The following PBX1 variants were observed in gnomAD, a reference collection of about 807,000 sequenced individuals.
The protein encoded by PBX1 is pre-B-cell leukemia transcription factor 1.
A neutral mutation model predicts 53.4 loss-of-function variants in PBX1; 6 were observed. That is an observed-to-expected ratio of 0.11 (90% CI 0.06 to 0.22). PBX1 has a LOEUF of 0.22. PBX1 is among the 10% of genes least tolerant of loss of function. The pLI is 1.00. For synonymous variants in PBX1, 204 were observed against 212.3 expected (o/e 0.96, Z 0.34); for missense variants, 251 against 551.4 (o/e 0.46, Z 5.46).
intron 2 of PBX1, among the ~76,000 whole-genome samples, chr1:164,728,107 T>A (rs907948502): frequency 2.6e-5 from 4 of 152,084 alleles, no homozygotes; most frequent in African/African-American, 9.7e-5. Context: ...GGAGAATTGC[T>A]TGAGTCCAGG....
intron 6 of PBX1, chr1:164,816,950 C>G (rs537992627): frequency 1.3e-5 from 2 of 152,142 alleles, no homozygotes; most frequent in East Asian, 3.9e-4. Context: ...TGGATGTGGA[C>G]ACTTTACCAC....
chr1:164,783,941 C>G (rs1191746948), intron 2 of PBX1, among the ~76,000 whole-genome samples: 1 of 152,222 alleles, frequency 6.6e-6, no homozygotes. Context: ...TCTGTTTTCT[C>G]TATGGTTGCT....
chr1:164,732,969 A>G (rs139150384), intron 2 of PBX1, among the ~76,000 whole-genome samples: 1 of 152,260 alleles, frequency 6.6e-6, no homozygotes, highest in East Asian at 1.9e-4. Flanking sequence ...CAGTGTCACC[A>G]GGACTCCACA....
At chr1:164,741,650 C>T (rs967876377) in intron 2 of PBX1, among the ~76,000 whole-genome samples, 2 of 151,816 alleles carry the variant, frequency 1.3e-5, no homozygotes, top group Non-Finnish European at 2.9e-5. Flanking sequence ...TTAATAAGTC[C>T]CCTGGCCATC....
intron 2 of PBX1, among the ~76,000 whole-genome samples, chr1:164,627,615 A>G (rs1413698324): frequency 6.6e-6 from 1 of 152,160 alleles, no homozygotes; most frequent in East Asian, 1.9e-4. Flanking sequence ...AGCCAATGTG[A>G]TGGAGGAGAT....
At chr1:164,729,582 G>A (rs928567172) in intron 2 of PBX1, among the ~76,000 whole-genome samples, 2 of 152,134 alleles carry the variant, frequency 1.3e-5, no homozygotes, top group African/African-American at 2.4e-5. Flanking sequence ...TTCTCAACAT[G>A]TTTCAGGCAG....
At chr1:164,638,428 A>C (rs1047321425) in intron 2 of PBX1, among the ~76,000 whole-genome samples, 6 of 152,200 alleles carry the variant, frequency 3.9e-5, no homozygotes, top group African/African-American at 1.4e-4. Context: ...TCCCCTTTGA[A>C]GATATTGTGC....
At chr1:164,690,751 GT>G (rs1222619673) in intron 2 of PBX1, among the ~76,000 whole-genome samples, 1 of 151,430 alleles carries the variant, frequency 6.6e-6, no homozygotes, top group Non-Finnish European at 1.5e-5. Context: ...ATGTTAACCT[GT>G]TGGATTTTCA....
intron 6 of PBX1, chr1:164,814,723 A>G (rs2200796): frequency 0.22 from 34,054 of 153,384 alleles, 4,386 homozygotes; most frequent in Non-Finnish European, 0.29. Flanking sequence ...TGGGCAACAC[A>G]GCGAAACTCC....
chr1:164,786,681 C>CTGTGTGTGTGTGTGTG (rs74747780), intron 2 of PBX1, among the ~76,000 whole-genome samples: 2 of 140,612 alleles, frequency 1.4e-5, no homozygotes, highest in African/African-American at 5.3e-5. Flanking sequence ...TCAGAAGAGA[C>CTGTGTGTGTGTGTGTG]TGTGTGTGTG....
intron 2 of PBX1, among the ~76,000 whole-genome samples, chr1:164,631,979 A>C (rs1315871798): frequency 2.0e-5 from 3 of 152,238 alleles, no homozygotes; most frequent in African/African-American, 4.8e-5. Flanking sequence ...ATAGGCCATC[A>C]GCCGTAGAGA....
chr1:164,645,262 A>G (rs1366565610), intron 2 of PBX1, among the ~76,000 whole-genome samples: 1 of 152,106 alleles, frequency 6.6e-6, no homozygotes, highest in East Asian at 1.9e-4. Flanking sequence ...GTGAGATAGA[A>G]TTGTAGAGCT....
chr1:164,732,989 T>A (rs752670704), intron 2 of PBX1, among the ~76,000 whole-genome samples: 1 of 152,234 alleles, frequency 6.6e-6, no homozygotes, highest in African/African-American at 2.4e-5. Flanking sequence ...AGTTGCTTAA[T>A]GCAATGTATA....
At chr1:164,616,663 A>G (rs1657300633) in intron 2 of PBX1, among the ~76,000 whole-genome samples, 1 of 152,156 alleles carries the variant, frequency 6.6e-6, no homozygotes. Flanking sequence ...CAAGGTAAGA[A>G]CACTTCATGT....
intron 2 of PBX1, among the ~76,000 whole-genome samples, chr1:164,668,231 G>A (rs545346675): frequency 1.3e-5 from 2 of 152,128 alleles, no homozygotes; most frequent in South Asian, 2.1e-4. Context: ...ACACCCAAGC[G>A]ACCGGTCTTT....
intron 2 of PBX1, among the ~76,000 whole-genome samples, chr1:164,670,110 G>T (rs1661034960): frequency 6.6e-6 from 1 of 152,128 alleles, no homozygotes; most frequent in Non-Finnish European, 1.5e-5. Flanking sequence ...GTGGGACTCT[G>T]CCCTCAAGTG....
At chr1:164,576,395 C>T (rs554422685) in intron 2 of PBX1, among the ~76,000 whole-genome samples, 1 of 152,304 alleles carries the variant, frequency 6.6e-6, no homozygotes, top group Non-Finnish European at 1.5e-5. Flanking sequence ...CTGCCCGGTC[C>T]GCCGGCGCGG....
At position 164,847,791 on chromosome 1, in the gene PBX1, T is replaced by G. The variant is rs937695219; in HGVS notation, c.*1115T>G. 5.7e-6 allele frequency: 6 copies of G among 1,053,204 alleles called. No homozygotes were observed. The African/African-American group carries it at 9.9e-5, about 17-fold the overall frequency. 65.2% of individuals were successfully genotyped at this position (1,053,204 alleles called of 1,614,324 possible). A position where few individuals can be genotyped will look rare whatever the true frequency, so the allele number is the denominator to read the frequency against. Reference sequence around the variant, plus strand: ...CTGACACAGAGAAGCAGTATGTGTCTGGGGCTTCCAGGACCTGCAGGCCCA... The same window carrying G: ...CTGACACAGAGAAGCAGTATGTGTCGGGGGCTTCCAGGACCTGCAGGCCCA... On this transcript the variant is annotated 3_prime_UTR_variant, in exon 9 of 9. Coordinates refer to ENST00000420696, the MANE Select transcript of PBX1 (RefSeq NM_002585.4).
rs575791997 is a variant in PBX1 at position 164,726,456 on chromosome 1, A to G, written c.266-66038A>G. Among the ~76,000 whole-genome samples, 133 of 152,358 alleles carry G rather than the reference A, an allele frequency of 8.7e-4. 1 individual carries two copies. The highest frequency in any genetic ancestry group is 3.0e-3 in the African/African-American group (126 of 41,588). On this transcript the variant is annotated intron_variant, in intron 2 of 8. Transcript: ENST00000420696. ...TGCCACGTGATCTGTTTACTCAATC[A>G]TGTGGCATTCAGCCATAAATATGGC...
Sources: gnomAD v4.1 joint callset for allele counts (sites outside exome capture counted in the v4.1 genomes callset) on GRCh38, gnomAD v4.1.1 for gene constraint, MANE v1.5 for transcripts, NCBI Gene and HGNC (gene_info 2026-07-23, HGNC 2026-07-21) for gene names.